Variants in CDH13 observed in about 807,000 individuals in gnomAD.
The protein encoded by CDH13 is cadherin-13.
CDH13 carries 24 observed loss-of-function variants against 63.8 expected under a neutral mutation model. The observed-to-expected ratio is 0.38, with a 90% CI of 0.27 to 0.53. CDH13 has a LOEUF of 0.53. Among genes scored for constraint, CDH13 ranks in the 20% least tolerant of loss-of-function variants. The pLI is 0.85. For synonymous variants in CDH13, 503 were observed against 355.3 expected (o/e 1.42, Z -4.67); for missense variants, 1,049 against 903.1 (o/e 1.16, Z -2.07).
intron 2 of CDH13, among the ~76,000 whole-genome samples, chr16:82,914,486 T>A (rs988457401): frequency 6.6e-5 from 10 of 152,176 alleles, no homozygotes; most frequent in African/African-American, 2.4e-4. Context: ...TGACTGCAAA[T>A]GTCTCAGTCA....
At chr16:82,773,823 A>T (rs1029014556) in intron 1 of CDH13, among the ~76,000 whole-genome samples, 1 of 149,080 alleles carries the variant, frequency 6.7e-6, no homozygotes, top group East Asian at 2.0e-4. Context: ...TCACACTGTC[A>T]CCCAGGCTGG....
At chr16:82,708,389 C>T (rs1302016284) in intron 1 of CDH13, among the ~76,000 whole-genome samples, 2 of 152,178 alleles carry the variant, frequency 1.3e-5, no homozygotes, top group Non-Finnish European at 1.5e-5. Flanking sequence ...AACAACCAGG[C>T]ATCAGAGTGC....
chr16:83,316,929 A>C (rs1432893762), intron 5 of CDH13, among the ~76,000 whole-genome samples: 2 of 152,228 alleles, frequency 1.3e-5, no homozygotes, highest in African/African-American at 4.8e-5. Flanking sequence ...GGTGGATTCC[A>C]CGGCTTCGCC....
chr16:83,261,318 C>T (rs191828599), intron 5 of CDH13, among the ~76,000 whole-genome samples: 5 of 152,146 alleles, frequency 3.3e-5, no homozygotes, highest in African/African-American at 4.8e-5. Flanking sequence ...ACTTCATCCC[C>T]TCGATAAGCC....
At chr16:83,128,389 G>C (rs1597384439) in intron 4 of CDH13, among the ~76,000 whole-genome samples, 1 of 152,198 alleles carries the variant, frequency 6.6e-6, no homozygotes, top group African/African-American at 2.4e-5. Flanking sequence ...TGGGGTTAAA[G>C]CCAGGAATCT....
intron 6 of CDH13, among the ~76,000 whole-genome samples, chr16:83,441,743 AAGAG>A (rs1213173245): frequency 6.6e-6 from 1 of 152,092 alleles, no homozygotes; most frequent in Non-Finnish European, 1.5e-5. Context: ...GGTGTCTGGG[AAGAG>A]AGAGAGTACC....
At chr16:83,196,227 G>C (rs1237598041) in intron 4 of CDH13, among the ~76,000 whole-genome samples, 1 of 152,016 alleles carries the variant, frequency 6.6e-6, no homozygotes. Flanking sequence ...TTGCGCTCCA[G>C]CCTGGGCAAC....
At chr16:82,827,876 C>T (rs1415964932) in intron 1 of CDH13, among the ~76,000 whole-genome samples, 3 of 152,088 alleles carry the variant, frequency 2.0e-5, no homozygotes, top group Non-Finnish European at 4.4e-5. Context: ...AGTGCCTGGT[C>T]ATTCACTGAT....
At position 83,777,915 on chromosome 16, in the gene CDH13, T is replaced by C. The variant is rs116809291; in HGVS notation, c.1682-2053T>C. Among the ~76,000 whole-genome samples, 1,477 of 152,324 alleles carry C rather than the reference T, an allele frequency of 9.7e-3. 19 individuals carry two copies. Among genetic ancestry groups the C allele is most frequent in the African/African-American group, 0.034 (1,405 of 41,572 alleles). ...AGCCATAGGTTAGATTAGTACTGTA[T>C]AGTATTAGTTTATTAAACTGATAAG... On this transcript the variant is annotated intron_variant, in intron 11 of 13. Transcript: ENST00000567109.
At chr16:83,692,949 G>A (rs374546375) in intron 10 of CDH13, among the ~76,000 whole-genome samples, 1 of 152,160 alleles carries the variant, frequency 6.6e-6, no homozygotes. Context: ...CAGGCATGGC[G>A]GCATGCACCT....
intron 7 of CDH13, among the ~76,000 whole-genome samples, chr16:83,591,835 C>G (rs967140706): frequency 1.3e-5 from 2 of 152,228 alleles, no homozygotes; most frequent in African/African-American, 4.8e-5. Flanking sequence ...TTTCTTGTCC[C>G]TTTGGTGTCC....
rs541895060 is a variant in CDH13, at chr16:83,668,981, G to A, written c.1102-1809G>A. 1.2e-4 allele frequency among the ~76,000 whole-genome samples: 18 copies of A among 152,282 alleles called. No individual in the cohort carries two copies. In the South Asian group the frequency reaches 2.3e-3, roughly 19 times the overall value. ...GTCATGTCATTGACACCTGCCTGCC[G>A]TCCTTAGACTGGGACTCTATCCTGC... On this transcript the variant is annotated intron_variant, in intron 8 of 13. Transcript: ENST00000567109.
intron 2 of CDH13, among the ~76,000 whole-genome samples, chr16:82,885,813 T>A (rs2040867437): frequency 2.0e-5 from 3 of 152,142 alleles, no homozygotes; most frequent in Admixed American, 2.0e-4. Context: ...CTTTTCAGTC[T>A]TTAAAAAATG....
chr16:82,709,067 A>C (rs2031715837), intron 1 of CDH13, among the ~76,000 whole-genome samples: 1 of 152,200 alleles, frequency 6.6e-6, no homozygotes, highest in African/African-American at 2.4e-5. Context: ...TGCCAGTTAC[A>C]TCGCTGGTCA....
chr16:82,661,443 G>T (rs1292308127), intron 1 of CDH13, among the ~76,000 whole-genome samples: 1 of 152,230 alleles, frequency 6.6e-6, no homozygotes, highest in Non-Finnish European at 1.5e-5. Flanking sequence ...GTTATTGTGA[G>T]TGCTGAGTAA....
chr16:83,147,256 T>G (rs1243844016), intron 4 of CDH13, among the ~76,000 whole-genome samples: 1 of 152,170 alleles, frequency 6.6e-6, no homozygotes, highest in African/African-American at 2.4e-5. Context: ...GTCTTCTGTT[T>G]TCCACATCCA....
At chr16:82,957,900 G>A (rs1395726788) in intron 2 of CDH13, among the ~76,000 whole-genome samples, 1 of 152,162 alleles carries the variant, frequency 6.6e-6, no homozygotes, top group Non-Finnish European at 1.5e-5. Context: ...TGGAAAATGT[G>A]CACTCATAAT....
chr16:83,470,981 A>C (rs762602507), intron 6 of CDH13, among the ~76,000 whole-genome samples: 1 of 151,906 alleles, frequency 6.6e-6, no homozygotes, highest in East Asian at 1.9e-4. Context: ...GGTCACCTGC[A>C]CTCCTTGGCT....
intron 3 of CDH13, among the ~76,000 whole-genome samples, chr16:83,057,151 G>C (rs1297917637): frequency 1.3e-5 from 2 of 152,072 alleles, no homozygotes; most frequent in Non-Finnish European, 2.9e-5. Flanking sequence ...ATTTTTAGGA[G>C]AAATGGGGTT....
Sources: gnomAD v4.1 joint callset for allele counts (sites outside exome capture counted in the v4.1 genomes callset) on GRCh38, gnomAD v4.1.1 for gene constraint, MANE v1.5 for transcripts, NCBI Gene and HGNC (gene_info 2026-07-23, HGNC 2026-07-21) for gene names.